LRRC72: variants seen among roughly 807,000 people sequenced by gnomAD.
LRRC72 encodes the protein leucine rich repeat containing 72.
A neutral mutation model predicts 35.8 loss-of-function variants in LRRC72; 41 were observed. The observed-to-expected ratio is 1.15, with a 90% confidence interval of 0.89 to 1.49. LRRC72 has a LOEUF of 1.49. LRRC72 is among the 40% of genes most tolerant of loss of function. The pLI, the probability that LRRC72 is intolerant of heterozygous loss-of-function variation, is 0.00. For missense variants in LRRC72, 389 were observed against 330.7 expected, an observed-to-expected ratio of 1.18 and a Z score of -1.37; for synonymous variants, 118 against 119.2, an observed-to-expected ratio of 0.99 and a Z score of 0.07.
chr7:16,567,837 T>C (rs1442325320), intron 7 of LRRC72, among the ~76,000 whole-genome samples: 6 of 152,110 alleles, frequency 3.9e-5, no homozygotes, highest in Non-Finnish European at 8.8e-5. Flanking sequence ...AAGGGCTCAA[T>C]AAATAAGCCA....
intron 3 of LRRC72, among the ~76,000 whole-genome samples, chr7:16,555,359 T>C (rs1782632851): frequency 2.6e-5 from 4 of 152,248 alleles, no homozygotes; most frequent in Admixed American, 2.6e-4. Context: ...AAAAAGGCTT[T>C]TCTGAGATTT....
At chr7:16,534,100 T>A (rs1313911454) in intron 2 of LRRC72, among the ~76,000 whole-genome samples, 4 of 152,208 alleles carry the variant, frequency 2.6e-5, no homozygotes, top group Admixed American at 2.6e-4. Flanking sequence ...GGACAAAAAC[T>A]ATTTCCCAGT....
chr7:16,546,458 C>G lies in LRRC72; in HGVS notation c.234+8762C>G, dbSNP rs554129223. On this transcript the variant is annotated intron_variant, in intron 3 of 8. Coordinates refer to ENST00000401542, the MANE Select transcript of LRRC72 (RefSeq NM_001195280.2). ...CAGGAGTGGCAAACAAAAATATTTC[C>G]AGATATTGTCAAATGCTCCCTGGGG... Among the ~76,000 whole-genome samples, 4 of 152,136 alleles carry G rather than the reference C, an allele frequency of 2.6e-5. No individual in the cohort carries two copies. The East Asian group carries it at 7.8e-4, about 29-fold the overall frequency.
At position 16,559,631 on chromosome 7, in the gene LRRC72, C is replaced by T. The variant is rs1782710121; in HGVS notation, c.427+632C>T. 2.6e-5 allele frequency among the ~76,000 whole-genome samples: 4 copies of T among 151,780 alleles called. No individual in the cohort carries two copies. The South Asian group carries it at 8.4e-4, about 32-fold the overall frequency. Reference sequence around the variant, plus strand: ...CCATTTATGTAAGTGTCCAAGTAGGCACATCTATAGGGACAGCAACACCGA... The same window carrying T: ...CCATTTATGTAAGTGTCCAAGTAGGTACATCTATAGGGACAGCAACACCGA... On this transcript the variant is annotated intron_variant, in intron 5 of 8. Transcript: ENST00000401542.
chr7:16,547,116 C>A (rs943819277), intron 3 of LRRC72, among the ~76,000 whole-genome samples: 1 of 152,130 alleles, frequency 6.6e-6, no homozygotes, highest in East Asian at 1.9e-4. Flanking sequence ...GTGGCCTTAA[C>A]CTCACTCCTT....
chr7:16,538,948 G>T (rs1173146732), intron 3 of LRRC72, among the ~76,000 whole-genome samples: 10 of 152,200 alleles, frequency 6.6e-5, no homozygotes, highest in African/African-American at 2.4e-4. Context: ...CAGTCTTGGG[G>T]AGTTCTTTAT....
rs1283135483 is a variant in LRRC72, at chr7:16,558,788, A to G, written c.317-101A>G. ...CTATCATATGTTTTCCTTTTTAGTT[A>G]GCATGTTAATTAGCATTAAAAATGT... On this transcript the variant is annotated intron_variant, in intron 4 of 8. Transcript: ENST00000401542. 8.0e-6 allele frequency: 4 copies of G among 502,828 alleles called. No homozygotes were observed. In the Admixed American group the frequency reaches 1.3e-4, roughly 16 times the overall value. The allele number at this position is 502,828 out of a possible 1,614,324, so 31.1% of individuals were successfully genotyped here. A position where few individuals can be genotyped will look rare whatever the true frequency, so the allele number is the denominator to read the frequency against.
chr7:16,547,452 G>C (rs1424459380), intron 3 of LRRC72, among the ~76,000 whole-genome samples: 1 of 152,120 alleles, frequency 6.6e-6, no homozygotes, highest in Non-Finnish European at 1.5e-5. Context: ...TTGGGATCTG[G>C]GAGCAGGCAG....
At chr7:16,530,417 C>G (rs555795746) in intron 1 of LRRC72, 1 of 152,140 alleles carries the variant, frequency 6.6e-6, no homozygotes, top group Non-Finnish European at 1.5e-5. Flanking sequence ...CCCCTGTTGG[C>G]GAGGGTGATC....
At chr7:16,544,337 TG>T (rs1385626400) in intron 3 of LRRC72, among the ~76,000 whole-genome samples, 5 of 152,244 alleles carry the variant, frequency 3.3e-5, no homozygotes, top group African/African-American at 1.2e-4. Flanking sequence ...TTCCTAGATT[TG>T]CTTTGGCAAC....
intron 7 of LRRC72, among the ~76,000 whole-genome samples, chr7:16,568,459 T>C (rs1203221155): frequency 1.3e-5 from 2 of 152,006 alleles, no homozygotes; most frequent in African/African-American, 2.4e-5. Flanking sequence ...AAGAAAGCAA[T>C]AGAAGATATG....
chr7:16,556,045 T>G (rs578230425), intron 3 of LRRC72, among the ~76,000 whole-genome samples: 12 of 150,940 alleles, frequency 8.0e-5, no homozygotes, highest in African/African-American at 2.9e-4. Flanking sequence ...TCTTTTAAAT[T>G]TGATGGATGT....
intron 3 of LRRC72, among the ~76,000 whole-genome samples, chr7:16,543,880 A>C (rs945486786): frequency 2.0e-5 from 3 of 152,244 alleles, no homozygotes. Flanking sequence ...TGCCAAGACT[A>C]AGGCTATCAC....
chr7:16,574,400 A>C (rs1218319435), intron 7 of LRRC72, among the ~76,000 whole-genome samples: 1 of 152,224 alleles, frequency 6.6e-6, no homozygotes, highest in Non-Finnish European at 1.5e-5. Context: ...GAACCAACCC[A>C]AATGCCCATC....
At chr7:16,580,526 C>T (rs1251565286) in intron 8 of LRRC72, among the ~76,000 whole-genome samples, 1 of 152,062 alleles carries the variant, frequency 6.6e-6, no homozygotes. Context: ...CGCCTATAAT[C>T]CCAGCTACTC....
chr7:16,554,473 T>G (rs749037109), intron 3 of LRRC72, among the ~76,000 whole-genome samples: 13 of 152,126 alleles, frequency 8.5e-5, no homozygotes, highest in South Asian at 2.1e-4. Flanking sequence ...TACCTCAATT[T>G]CCTCCACTTC....
chr7:16,576,257 T>A (rs1187775514), intron 7 of LRRC72, among the ~76,000 whole-genome samples: 1 of 152,208 alleles, frequency 6.6e-6, no homozygotes, highest in Non-Finnish European at 1.5e-5. Context: ...TGTAAATTTT[T>A]AAAATTTATC....
intron 1 of LRRC72, among the ~76,000 whole-genome samples, chr7:16,530,794 G>T (rs1782148088): frequency 6.6e-6 from 1 of 152,192 alleles, no homozygotes; most frequent in Non-Finnish European, 1.5e-5. Context: ...ACAGATGGCT[G>T]CCAAGTTTTA....
chr7:16,557,417 A>C lies in LRRC72; in HGVS notation c.292A>C (p.Asn98His). Residue 98 changes from asparagine to histidine, a missense_variant, in exon 4 of 9, where the codon AAC becomes CAC. Coordinates refer to ENST00000401542, the MANE Select transcript of LRRC72 (RefSeq NM_001195280.2). ...NYCLTELYLNNNAIFEIEGLH... is the reference protein window; with the variant it reads ...NYCLTELYLNHNAIFEIEGLH... ...TTGTCTGACAGAACTATATCTAAAC[A>C]ACAATGCAATATTTGAGATAGAAGG... The C allele has an allele frequency of 1.5e-6, 2 of 1,313,152 alleles. No individual in the cohort carries two copies. The highest frequency in any genetic ancestry group is 2.0e-6 in the Non-Finnish European group (2 of 1,000,950). 81.3% of individuals were successfully genotyped at this position (1,313,152 alleles called of 1,614,324 possible).
Sources: allele counts gnomAD v4.1 joint callset (sites outside exome capture counted in the v4.1 genomes callset), GRCh38; gene constraint gnomAD v4.1.1; transcripts MANE v1.5; gene names NCBI Gene and HGNC (gene_info 2026-07-23, HGNC 2026-07-21).